CFAP144: variants seen among roughly 807,000 people sequenced by gnomAD.
CFAP144 encodes cilia- and flagella-associated protein 144.
chr1:43,146,735 G>C, the CFAP144 span, among the ~76,000 whole-genome samples: 1 of 152,216 alleles, frequency 6.6e-6, no homozygotes, highest in Admixed American at 6.5e-5. Context: ...GCGAATGAAT[G>C]GATGGATGAA....
At chr1:43,150,798 T>C in the CFAP144 span, 3,589 of 1,610,698 alleles carry the variant, frequency 2.2e-3, 62 homozygotes, top group African/African-American at 0.043. Context: ...CTTGGCATGA[T>C]AACCTGGAGG....
At chr1:43,148,992 T>A in the CFAP144 span, among the ~76,000 whole-genome samples, 1 of 152,168 alleles carries the variant, frequency 6.6e-6, no homozygotes, top group African/African-American at 2.4e-5. Context: ...AGCCTCTGCC[T>A]GCATCCTCAC....
At chr1:43,143,944 T>C in the CFAP144 span, among the ~76,000 whole-genome samples, 1 of 152,204 alleles carries the variant, frequency 6.6e-6, no homozygotes, top group Non-Finnish European at 1.5e-5. Context: ...GGGACTTCAT[T>C]CTCTGGTCTT....
chr1:43,154,709 A>G, the CFAP144 span, among the ~76,000 whole-genome samples: 1 of 152,052 alleles, frequency 6.6e-6, no homozygotes, highest in South Asian at 2.1e-4. Flanking sequence ...CAGAAAGAAG[A>G]CTTTTCCAAG....
chr1:43,148,518 C>A, the CFAP144 span, among the ~76,000 whole-genome samples: 779 of 152,274 alleles, frequency 5.1e-3, 1 homozygote, highest in Admixed American at 9.8e-3. Context: ...ACTGAGCACT[C>A]TCCTTGGGCA....
the CFAP144 span, chr1:43,145,230 G>T: frequency 6.5e-7 from 1 of 1,546,766 alleles, no homozygotes; most frequent in South Asian, 1.2e-5. Context: ...AGAGCAAACT[G>T]CAGGGCCATT....
At chr1:43,144,736 T>A in the CFAP144 span, among the ~76,000 whole-genome samples, 1 of 152,142 alleles carries the variant, frequency 6.6e-6, no homozygotes, top group Non-Finnish European at 1.5e-5. Flanking sequence ...ACCACGTTCA[T>A]CAGGGTCCCA....
chr1:43,145,894 A>G, the CFAP144 span, among the ~76,000 whole-genome samples: 2 of 152,220 alleles, frequency 1.3e-5, no homozygotes, highest in East Asian at 1.9e-4. Flanking sequence ...AAATAGACCA[A>G]TGGCACAGAA....
chr1:43,153,041 C>G, the CFAP144 span: 1 of 1,361,592 alleles, frequency 7.3e-7, no homozygotes, highest in African/African-American at 1.4e-5. Context: ...ACCTGGCTAC[C>G]TCTTACCAGC....
the CFAP144 span, among the ~76,000 whole-genome samples, chr1:43,150,060 A>G: frequency 2.0e-5 from 3 of 152,092 alleles, no homozygotes; most frequent in African/African-American, 7.3e-5. Context: ...GCTCATATGT[A>G]TCTCCCTAGA....
At chr1:43,154,381 CATATACACACACAT>C in the CFAP144 span, among the ~76,000 whole-genome samples, 1 of 84,220 alleles carries the variant, frequency 1.2e-5, no homozygotes, top group African/African-American at 1.9e-4. Flanking sequence ...TATATATGTA[CATATACACACACAT>C]ATATGTATAC....
At chr1:43,152,724 C>A in the CFAP144 span, 1 of 1,278,610 alleles carries the variant, frequency 7.8e-7, no homozygotes, top group Non-Finnish European at 1.1e-6. Context: ...CTCCAAGGCA[C>A]AGATGCTCTG....
At chr1:43,148,609 C>T in the CFAP144 span, among the ~76,000 whole-genome samples, 1 of 152,172 alleles carries the variant, frequency 6.6e-6, no homozygotes, top group Non-Finnish European at 1.5e-5. Context: ...CGCCCAACCA[C>T]CTCACAGCTC....
chr1:43,147,798 G>A, the CFAP144 span: 2 of 1,490,610 alleles, frequency 1.3e-6, no homozygotes, highest in African/African-American at 2.9e-5. Flanking sequence ...GGCAGGGTAA[G>A]GGGCTGGCAG....
chr1:43,145,612 G>A, the CFAP144 span, among the ~76,000 whole-genome samples: 1 of 152,204 alleles, frequency 6.6e-6, no homozygotes, highest in Non-Finnish European at 1.5e-5. Flanking sequence ...GCAAGAATGT[G>A]TCCAGATCCT....
At chr1:43,145,441 C>G in the CFAP144 span, 28 of 677,800 alleles carry the variant, frequency 4.1e-5, no homozygotes, top group African/African-American at 4.7e-4. Flanking sequence ...TTTTCTTCAT[C>G]CTAGGATTCC....
At chr1:43,144,270 G>A in the CFAP144 span, among the ~76,000 whole-genome samples, 54,215 of 151,960 alleles carry the variant, frequency 0.36, 10,737 homozygotes, top group African/African-American at 0.52. Flanking sequence ...AGAAACTGGT[G>A]CCATTTCCCT....
At chr1:43,152,465 C>T in the CFAP144 span, among the ~76,000 whole-genome samples, 1 of 152,206 alleles carries the variant, frequency 6.6e-6, no homozygotes, top group Non-Finnish European at 1.5e-5. Context: ...CTGCACATGA[C>T]CCTTCACCTA....
chr1:43,145,327 A>C, the CFAP144 span: 1 of 1,500,948 alleles, frequency 6.7e-7, no homozygotes, highest in Non-Finnish European at 9.1e-7. Context: ...CCTGCATTCA[A>C]GTGAGTGCAA....
Sources: allele counts gnomAD v4.1 joint callset (sites outside exome capture counted in the v4.1 genomes callset), GRCh38; gene constraint gnomAD v4.1.1; transcripts MANE v1.5; gene names NCBI Gene and HGNC (gene_info 2026-07-23, HGNC 2026-07-21).